DPYSL3: variants seen among roughly 807,000 people sequenced by gnomAD.
The protein encoded by DPYSL3 is dihydropyrimidinase-related protein 3.
A neutral mutation model predicts 66.1 loss-of-function variants in DPYSL3; 16 were observed. The ratio of observed to expected loss-of-function variants is 0.24; its 90% CI spans 0.16 to 0.37. The LOEUF is 0.37. Ranked by LOEUF, DPYSL3 falls within the 10% of genes least tolerant of loss-of-function variation. DPYSL3 has a pLI of 1.00. For synonymous variants in DPYSL3, 338 were observed against 345.1 expected (o/e 0.98, Z 0.23); for missense variants, 738 against 916.2 (o/e 0.81, Z 2.51).
chr5:147,447,296 A>T (rs1394802546), intron 1 of DPYSL3, among the ~76,000 whole-genome samples: 1 of 152,188 alleles, frequency 6.6e-6, no homozygotes, highest in African/African-American at 2.4e-5. Context: ...GAACCAAAAG[A>T]AGAGGCCAAA....
At chr5:147,424,712 G>T (rs145104463) in intron 2 of DPYSL3, among the ~76,000 whole-genome samples, 163 bp downstream of exon 2, 1 of 152,074 alleles carries the variant, frequency 6.6e-6, no homozygotes, top group Non-Finnish European at 1.5e-5. Context: ...CCCGTAGAAT[G>T]CTCATCAATA....
chr5:147,418,966 C>G (rs1164879241), intron 2 of DPYSL3, among the ~76,000 whole-genome samples: 1 of 151,962 alleles, frequency 6.6e-6, no homozygotes, highest in Non-Finnish European at 1.5e-5. Context: ...TCATTTTGTT[C>G]TTTAAGTTAA....
chr5:147,485,686 C>T (rs76914000), intron 1 of DPYSL3, among the ~76,000 whole-genome samples: 1,735 of 152,210 alleles, frequency 0.011, 64 homozygotes, highest in East Asian at 0.086. Context: ...TAGGCCCTGC[C>T]CTTACAGAGC....
chr5:147,454,233 C>T (rs376313253), intron 1 of DPYSL3: 1 of 152,212 alleles, frequency 6.6e-6, no homozygotes, highest in African/African-American at 2.4e-5. Context: ...ACCCGCTCTC[C>T]TCTGCCATGG....
At chr5:147,447,397 T>G (rs1752647615) in intron 1 of DPYSL3, among the ~76,000 whole-genome samples, 1 of 152,178 alleles carries the variant, frequency 6.6e-6, no homozygotes, top group African/African-American at 2.4e-5. Flanking sequence ...AATAGGCATA[T>G]GTTGATGAAA....
chr5:147,488,043 C>T (rs1753362147), intron 1 of DPYSL3, among the ~76,000 whole-genome samples: 1 of 152,196 alleles, frequency 6.6e-6, no homozygotes. Flanking sequence ...TTCCTTCTCA[C>T]TTAATATCCG....
In DPYSL3 at chr5:147,453,511, C is replaced by T. The variant is rs1430087810; in HGVS notation, c.382-28548G>A. 6.6e-6 allele frequency: 10 copies of T among 1,515,554 alleles called. No homozygotes were observed. The Admixed American group carries it at 1.9e-4, about 29-fold the overall frequency. 93.9% of individuals were successfully genotyped at this position (1,515,554 alleles called of 1,614,324 possible). On this transcript the variant is annotated intron_variant, in intron 1 of 13. Transcript: ENST00000343218. ...CGCCCGCAGCGCAGCGGACAGGGAG[C>T]GAGCGAGGAGGGAGGGAGCAGCGGC...
At chr5:147,437,424 T>C (rs990400832) in intron 1 of DPYSL3, among the ~76,000 whole-genome samples, 1 of 152,206 alleles carries the variant, frequency 6.6e-6, no homozygotes, top group African/African-American at 2.4e-5. Flanking sequence ...GGATTCTTCT[T>C]CAAGTCTGAC....
At chr5:147,396,859 A>ATG (rs768494017) in intron 12 of DPYSL3, among the ~76,000 whole-genome samples, 16 of 113,858 alleles carry the variant, frequency 1.4e-4, no homozygotes, top group South Asian at 8.8e-4. Context: ...ATATCTGTAT[A>ATG]TGTGTGTATA....
chr5:147,489,534 G>A (rs984615828), intron 1 of DPYSL3, among the ~76,000 whole-genome samples: 1 of 152,128 alleles, frequency 6.6e-6, no homozygotes, highest in Non-Finnish European at 1.5e-5. Context: ...GAGGATCAGA[G>A]ACATTATTGT....
intron 5 of DPYSL3, among the ~76,000 whole-genome samples, chr5:147,413,184 A>G (rs1194970070): frequency 6.6e-6 from 1 of 152,192 alleles, no homozygotes; most frequent in Non-Finnish European, 1.5e-5. Flanking sequence ...CTCTGTCTAA[A>G]GCAAACGCAT....
intron 1 of DPYSL3, among the ~76,000 whole-genome samples, chr5:147,457,166 G>C (rs765387360): frequency 1.1e-4 from 16 of 152,026 alleles, no homozygotes; most frequent in Non-Finnish European, 2.1e-4. Flanking sequence ...AGTTTACTTC[G>C]TATTCTTCTT....
chr5:147,391,404 G>C lies in DPYSL3; in HGVS notation c.*2631C>G, dbSNP rs1757794685. On this transcript the variant is annotated 3_prime_UTR_variant, in exon 14 of 14. Coordinates refer to ENST00000343218, the MANE Select transcript of DPYSL3 (RefSeq NM_001197294.2). ...CACCCTTTCCACTACCCAAGCCCGT[G>C]GCCCTCAGAGAGAACCGGGATGGAT... 1 of 152,586 alleles carries C rather than the reference G, an allele frequency of 6.6e-6. No homozygotes were observed. Among genetic ancestry groups the C allele is most frequent in the African/African-American group, 2.4e-5 (1 of 41,426 alleles). 9.5% of individuals were successfully genotyped at this position (152,586 alleles called of 1,614,324 possible). A position where few individuals can be genotyped will look rare whatever the true frequency, so the allele number is the denominator to read the frequency against.
In DPYSL3 at chr5:147,418,478, C is replaced by T. The variant is rs1450773209; in HGVS notation, c.624G>A (p.Lys208=). 6.2e-7 allele frequency: 1 copy of T among 1,612,632 alleles called. No individual in the cohort carries two copies. Among genetic ancestry groups the T allele is most frequent in the Non-Finnish European group, 8.5e-7 (1 of 1,179,264 alleles). ...TTVDDFFQGT[K]AALAGGTTMI... Reference sequence around the variant, plus strand: ...TGGTGGTGCCACCTGCTAAGGCCGCCTTTGTCCCTTGGAAGAAGTCATCTA... The same window carrying T: ...TGGTGGTGCCACCTGCTAAGGCCGCTTTTGTCCCTTGGAAGAAGTCATCTA... Residue 208 remains lysine (K), a synonymous_variant, in exon 3 of 14, where the codon AAG becomes AAA. Coordinates refer to ENST00000343218, the MANE Select transcript of DPYSL3 (RefSeq NM_001197294.2).
In DPYSL3 at chr5:147,455,200, A is replaced by G. The variant is rs1377804696; in HGVS notation, c.382-30237T>C. Among the ~76,000 whole-genome samples, 7 of 152,350 alleles carry G rather than the reference A, an allele frequency of 4.6e-5. No homozygotes were observed. In the East Asian group the frequency reaches 5.8e-4, roughly 13 times the overall value. On this transcript the variant is annotated intron_variant, in intron 1 of 13. Transcript: ENST00000343218. ...TAAGGCATCCACAGAAAGAGAATAC[A>G]GAATACTCCGGCTTGGGCTTTCCAT...
In DPYSL3 at chr5:147,399,121, T is replaced by C; in HGVS notation, c.1584A>G (p.Pro528=). The C allele has an allele frequency of 6.2e-7, 1 of 1,614,232 alleles. No individual in the cohort carries two copies. Among genetic ancestry groups the C allele is most frequent in the Non-Finnish European group, 8.5e-7 (1 of 1,180,034 alleles). The part of the protein sequence containing the change: ...GSDSDLVIWD[P]DAVKIVSAKN... ...TGGCAGAGACGATCTTCACAGCATC[T>C]GGATCCCAGATGACGAGGTCGCTGT... The change falls in exon 11 of 14, where the codon CCA becomes CCG. Residue 528 remains proline (P), a synonymous_variant. Coordinates refer to ENST00000343218, the MANE Select transcript of DPYSL3 (RefSeq NM_001197294.2).
chr5:147,418,643 A>G lies in DPYSL3; in HGVS notation c.471-12T>C. The G allele has an allele frequency of 1.3e-6, 2 of 1,563,792 alleles. No individual in the cohort carries two copies. Among genetic ancestry groups the G allele is most frequent in the Non-Finnish European group, 1.7e-6 (2 of 1,150,580 alleles). ...TGTCTCCAATTTGTCTGGTGAAACA[A>G]ACAAACAAAAAAATGATCAAACACT... is the stretch of plus-strand genomic sequence containing the variant. On this transcript the variant is annotated splice_polypyrimidine_tract_variant and intron_variant, in intron 2 of 13. Transcript: ENST00000343218.
At chr5:147,500,190 T>G (rs941230672) in intron 1 of DPYSL3, among the ~76,000 whole-genome samples, 1 of 152,144 alleles carries the variant, frequency 6.6e-6, no homozygotes, top group Non-Finnish European at 1.5e-5. Context: ...TATATTAAAA[T>G]TAAAAACATA....
At chr5:147,462,678 G>T (rs879128135) in intron 1 of DPYSL3, among the ~76,000 whole-genome samples, 1 of 152,098 alleles carries the variant, frequency 6.6e-6, no homozygotes, top group Non-Finnish European at 1.5e-5. Context: ...TACAGAGAAG[G>T]CTGTCAGTTT....
Sources: gnomAD v4.1 joint callset for allele counts (sites outside exome capture counted in the v4.1 genomes callset) on GRCh38, gnomAD v4.1.1 for gene constraint, MANE v1.5 for transcripts, NCBI Gene and HGNC (gene_info 2026-07-23, HGNC 2026-07-21) for gene names.